Variants in KMT2A observed in about 807,000 individuals in gnomAD.
The protein encoded by KMT2A is lysine methyltransferase 2A, also known as histone-lysine N-methyltransferase 2A.
Under a neutral mutation model 345.3 loss-of-function variants are expected in KMT2A, and 16 were observed. The observed-to-expected ratio is 0.05, with a 90% CI of 0.03 to 0.07. KMT2A has a LOEUF of 0.07. Ranked by LOEUF, KMT2A falls within the 10% of genes least tolerant of loss-of-function variation. The probability of loss-of-function intolerance (pLI) is 1.00; values close to 1 mark genes in which losing one functional copy is unlikely to be tolerated. For synonymous variants in KMT2A, 1,599 were observed against 1,778.6 expected (o/e 0.90, Z 2.54); for missense variants, 3,272 against 4,841.6 (o/e 0.68, Z 9.62).
rs1555039408 is a variant in KMT2A, at chr11:118,481,949, C to T, written c.3869C>T (p.Ala1290Val). The change falls in exon 7 of 36, where the codon GCT becomes GTT. Residue 1290 changes from alanine (A) to valine (V), a missense_variant. Coordinates refer to ENST00000534358, the MANE Select transcript of KMT2A (RefSeq NM_001197104.2). ...GPESKQATTP[A>V]SRKSSKQVSQ... is the part of the protein sequence containing the mutation. Reference sequence around the variant, plus strand: ...GAATCCAAACAGGCCACCACTCCAGCTTCCAGGAAGTCAAGCAAGCAGGTC... The same window carrying T: ...GAATCCAAACAGGCCACCACTCCAGTTTCCAGGAAGTCAAGCAAGCAGGTC... The T allele has an allele frequency of 6.2e-7, 1 of 1,614,218 alleles. No homozygotes were observed. Among genetic ancestry groups the T allele is most frequent in the Admixed American group, 1.7e-5 (1 of 60,034 alleles).
chr11:118,491,204 T>C lies in KMT2A; in HGVS notation c.4705T>C (p.Cys1569Arg). 6.2e-7 allele frequency: 1 copy of C among 1,613,338 alleles called. No homozygotes were observed. The highest frequency in any genetic ancestry group is 8.5e-7 in the Non-Finnish European group (1 of 1,179,740). ...CTTTGCTTTGCTTTCAGGAAACTTC[T>C]GCCCTCTCTGTGACAAATGTTATGA... ...CAKLFAKGNF[C>R]PLCDKCYDDD... Residue 1569 changes from cysteine to arginine, a missense_variant, in exon 14 of 36, where the codon TGC becomes CGC. Cys to Arg is a radical substitution (Grantham distance 180). This residue lies in a region of KMT2A where 120 missense variants were observed against 280.4 expected (regional missense o/e 0.43). Coordinates refer to ENST00000534358, the MANE Select transcript of KMT2A (RefSeq NM_001197104.2). This position sits in a 1 kb window ranked among gnomAD's most constrained non-coding sequence, Gnocchi z 4.2.
Position 118,482,462 on chromosome 11 carries a change from A to G in KMT2A, c.4053A>G (p.Pro1351=). Residue 1351 remains proline (P), a synonymous_variant, in exon 8 of 36, where the codon CCA becomes CCG. Coordinates refer to ENST00000534358, the MANE Select transcript of KMT2A (RefSeq NM_001197104.2). ...QSKQKKVAPR[P]SIPVKQKPKE... ...AACAGAAAAAAGTGGCTCCCCGCCC[A>G]AGTATCCCTGTAAAACAAAAACCAA... is the stretch of plus-strand genomic sequence containing the variant. 1 of 1,613,702 alleles carries G rather than the reference A, an allele frequency of 6.2e-7. No homozygotes were observed. Among genetic ancestry groups the G allele is most frequent in the East Asian group, 2.2e-5 (1 of 44,864 alleles).
intron 1 of KMT2A, among the ~76,000 whole-genome samples, chr11:118,451,997 T>C (rs1055942061): frequency 2.4e-4 from 37 of 152,312 alleles, no homozygotes; most frequent in African/African-American, 8.4e-4. Context: ...TTACACCAAA[T>C]GTAATACATG....
Position 118,504,503 on chromosome 11 carries a change from G to C in KMT2A, c.8611G>C (p.Glu2871Gln). 6.2e-7 allele frequency: 1 copy of C among 1,614,204 alleles called. No homozygotes were observed. The highest frequency in any genetic ancestry group is 2.2e-5 in the East Asian group (1 of 44,888). The change falls in exon 27 of 36, where the codon GAG becomes CAG. Residue 2871 changes from glutamate to glutamine, a missense_variant. Physicochemically the swap from Glu to Gln is conservative, Grantham distance 29. Around this residue, in one of 27 missense-constraint regions of KMT2A, gnomAD observed 17 missense variants for 50.6 expected, o/e 0.34. Transcript: ENST00000534358. This position sits in a 1 kb window ranked among gnomAD's most constrained non-coding sequence, Gnocchi z 6.4. The part of the protein sequence containing the change: ...PSMQALGESP[E>Q]SSSSELLNLG... ...CATGCAGGCTTTGGGTGAGAGCCCA[G>C]AGTCATCTTCATCAGAACTCCTGAA...
intron 31 of KMT2A, among the ~76,000 whole-genome samples, chr11:118,513,428 G>A (rs782733088): frequency 2.6e-4 from 39 of 151,476 alleles, no homozygotes; most frequent in Non-Finnish European, 5.7e-4. Flanking sequence ...TATCAGTGAT[G>A]TTCTTCCTTT....
chr11:118,499,996 A>C, intron 24 of KMT2A, 83 bp downstream of exon 24: 2 of 878,428 alleles, frequency 2.3e-6, no homozygotes, highest in Non-Finnish European at 3.7e-6. Context: ...ATGTAGAGGC[A>C]TACCTGTTAG....
At position 118,484,460 on chromosome 11, in the gene KMT2A, G is replaced by A. The variant is rs1226943083; in HGVS notation, c.4218+146G>A. The A allele has an allele frequency of 7.6e-6, 6 of 789,714 alleles. No individual in the cohort carries two copies. Among genetic ancestry groups the A allele is most frequent in the Non-Finnish European group, 1.2e-5 (6 of 503,146 alleles). The allele number at this position is 789,714 out of a possible 1,614,324, so 48.9% of individuals were successfully genotyped here. ...CCCATTAGCAGGTGGGTTTAGCGCT[G>A]GGAGAGCTTTGGTCAGTGTTGTTAG... On this transcript the variant is annotated intron_variant, in intron 9 of 35. Transcript: ENST00000534358. The surrounding 1 kb of genome is among the most constrained non-coding windows in gnomAD (Gnocchi z 4.1).
intron 8 of KMT2A, among the ~76,000 whole-genome samples, chr11:118,483,885 A>G (rs1354036272): frequency 6.6e-6 from 1 of 152,108 alleles, no homozygotes; most frequent in East Asian, 1.9e-4. Flanking sequence ...TTTAAAAATC[A>G]ACTAGGCATG....
At chr11:118,485,857 C>T (rs1420992197) in intron 10 of KMT2A, among the ~76,000 whole-genome samples, 5 of 152,066 alleles carry the variant, frequency 3.3e-5, no homozygotes, top group South Asian at 2.1e-4. Context: ...CCAAGGCAGG[C>T]GGATCACAAG....
At position 118,473,219 on chromosome 11, in the gene KMT2A, G is replaced by T; in HGVS notation, c.2060G>T (p.Arg687Met). 1 of 1,612,714 alleles carries T rather than the reference G, an allele frequency of 6.2e-7. No individual in the cohort carries two copies. Among genetic ancestry groups the T allele is most frequent in the South Asian group, 1.1e-5 (1 of 90,880 alleles). Residue 687 changes from arginine to methionine, a missense_variant, in exon 3 of 36, where the codon AGG becomes ATG. Physicochemically the swap from Arg to Met is moderately conservative, Grantham distance 91 (BLOSUM62 -1). This residue lies in a region of KMT2A where 114 missense variants were observed against 203.2 expected (regional missense o/e 0.56). Transcript: ENST00000534358. The surrounding 1 kb of genome is among the most constrained non-coding windows in gnomAD (Gnocchi z 5.2). ...RLFSPLHSGT[R>M]FDMHKRSPLL... Reference sequence around the variant, plus strand: ...TTTTCGCCACTCCATTCTGGAACAAGGTTTGATATGCACAAAAGGAGCCCT... The same window carrying T: ...TTTTCGCCACTCCATTCTGGAACAATGTTTGATATGCACAAAAGGAGCCCT...
rs1259920630 is a variant in KMT2A, at chr11:118,495,214, A to G, written c.5363+447A>G. On this transcript the variant is annotated intron_variant, in intron 18 of 35. Coordinates refer to ENST00000534358, the MANE Select transcript of KMT2A (RefSeq NM_001197104.2). This position sits in a 1 kb window ranked among gnomAD's most constrained non-coding sequence, Gnocchi z 4.1. ...TCGTTCTGTCACCAGGCTGGAGTGCAGTGACATGATCTCGGCTCACTACAA... is the reference window on the plus strand; with the variant it reads ...TCGTTCTGTCACCAGGCTGGAGTGCGGTGACATGATCTCGGCTCACTACAA... 1.7e-4 allele frequency among the ~76,000 whole-genome samples: 25 copies of G among 150,440 alleles called. No individual in the cohort carries two copies. Among genetic ancestry groups the G allele is most frequent in the Admixed American group, 1.7e-3 (25 of 15,098 alleles).
intron 3 of KMT2A, 21 bp downstream of exon 3, chr11:118,474,336 T>C (rs1949995811): frequency 1.9e-6 from 3 of 1,603,808 alleles, no homozygotes; most frequent in Non-Finnish European, 2.6e-6. Context: ...CCACCTTGCC[T>C]ATTAAAACTA....
In KMT2A at chr11:118,521,483, C is replaced by T. The variant is rs1247686150; in HGVS notation, c.11643+66C>T. 2.6e-6 allele frequency: 4 copies of T among 1,554,712 alleles called. No homozygotes were observed. Among genetic ancestry groups the T allele is most frequent in the Non-Finnish European group, 3.5e-6 (4 of 1,140,070 alleles). Reference sequence around the variant, plus strand: ...CTGTAGAAAGGGACCAGTATGACCCCTGGATCACAAAAGAAATAGTGTATG... The same window carrying T: ...CTGTAGAAAGGGACCAGTATGACCCTTGGATCACAAAAGAAATAGTGTATG... On this transcript the variant is annotated intron_variant, in intron 35 of 35. Coordinates refer to ENST00000534358, the MANE Select transcript of KMT2A (RefSeq NM_001197104.2). This position sits in a 1 kb window ranked among gnomAD's most constrained non-coding sequence, Gnocchi z 5.3.
intron 1 of KMT2A, among the ~76,000 whole-genome samples, chr11:118,465,160 C>T (rs1949819540): frequency 6.6e-6 from 1 of 152,098 alleles, no homozygotes; most frequent in South Asian, 2.1e-4. Flanking sequence ...ATCGCTTGAA[C>T]CCAGGAGACG....
chr11:118,470,110 G>A (rs1555035116), intron 2 of KMT2A, among the ~76,000 whole-genome samples: 1 of 152,158 alleles, frequency 6.6e-6, no homozygotes, highest in East Asian at 1.9e-4. Context: ...TGTGGATCAG[G>A]GAAGTTAGCA....
intron 1 of KMT2A, among the ~76,000 whole-genome samples, chr11:118,437,904 G>A (rs574366841): frequency 5.6e-4 from 85 of 152,284 alleles, no homozygotes; most frequent in African/African-American, 1.9e-3. Flanking sequence ...CCCCTGTGAG[G>A]GGAGGTGTTT....
rs777149030 is a variant in KMT2A at position 118,525,528 on chromosome 11, C to T, written c.*3356C>T. The T allele has an allele frequency of 2.6e-4, 58 of 223,962 alleles. No homozygotes were observed. The highest frequency in any genetic ancestry group is 4.1e-4 in the Non-Finnish European group (46 of 112,434). 13.9% of individuals were successfully genotyped at this position (223,962 alleles called of 1,614,324 possible). A position where few individuals can be genotyped will look rare whatever the true frequency, so the allele number is the denominator to read the frequency against. ...CAGACTCCTTTGCCGGGACCCAGCC[C>T]GCCACCCTGCTCGCCTCCGTCAAAC... is the stretch of plus-strand genomic sequence containing the variant. On this transcript the variant is annotated 3_prime_UTR_variant, in exon 36 of 36. Coordinates refer to ENST00000534358, the MANE Select transcript of KMT2A (RefSeq NM_001197104.2).
At chr11:118,463,706 G>C (rs1949789256) in intron 1 of KMT2A, among the ~76,000 whole-genome samples, 1 of 152,144 alleles carries the variant, frequency 6.6e-6, no homozygotes, top group Non-Finnish European at 1.5e-5. Context: ...TGGCCTTTTA[G>C]AGCTTCATTT....
chr11:118,455,589 C>T, intron 1 of KMT2A, among the ~76,000 whole-genome samples: 1 of 152,142 alleles, frequency 6.6e-6, no homozygotes, highest in East Asian at 1.9e-4. Context: ...CTGGCTACCC[C>T]TTTTCAGCCT....
Sources: allele counts gnomAD v4.1 joint callset (sites outside exome capture counted in the v4.1 genomes callset), GRCh38; gene constraint gnomAD v4.1.1; regional missense constraint gnomAD v4.1.1; non-coding constraint Gnocchi (gnomAD v3.1); transcripts MANE v1.5; gene names NCBI Gene and HGNC (gene_info 2026-07-23, HGNC 2026-07-21).